Variants in KIF20B observed in about 807,000 individuals in gnomAD.
KIF20B encodes kinesin-like protein KIF20B.
A neutral mutation model predicts 232.5 loss-of-function variants in KIF20B; 188 were observed. That is an observed-to-expected ratio of 0.81 (90% confidence interval 0.72 to 0.91). The LOEUF (loss-of-function observed/expected upper bound fraction) is 0.91, where lower values mean the gene tolerates loss of function less well. Ranked by LOEUF, KIF20B falls within the 40% of genes least tolerant of loss-of-function variation. The probability of loss-of-function intolerance (pLI) is 0.00; values close to 1 mark genes in which losing one functional copy is unlikely to be tolerated. For synonymous variants in KIF20B, 712 were observed against 683.0 expected, an observed-to-expected ratio of 1.04 and a Z score of -0.66; for missense variants, 2,154 against 2,055.9, an observed-to-expected ratio of 1.05 and a Z score of -0.92.
At position 89,716,542 on chromosome 10, in the gene KIF20B, T is replaced by A; in HGVS notation, c.1047T>A (p.Ser349Arg). Residue 349 changes from serine (S) to arginine (R), a missense_variant, in exon 9 of 33, where the codon AGT becomes AGA. Physicochemically the swap from Ser to Arg is moderately radical, Grantham distance 110. Transcript: ENST00000371728. Reference sequence around the variant, plus strand: ...TCACAAAATTGAATAATGCTTCCAGTAGAAGGTAAAGAATAAACTCTGTAA... The same window carrying A: ...TCACAAAATTGAATAATGCTTCCAGAAGAAGGTAAAGAATAAACTCTGTAA... ...VAFTKLNNAS[S>R]RSHSIFTVKI... is the part of the protein sequence containing the mutation. 6.8e-7 allele frequency: 1 copy of A among 1,466,130 alleles called. No homozygotes were observed. The highest frequency in any genetic ancestry group is 9.5e-7 in the Non-Finnish European group (1 of 1,056,970). The allele number at this position is 1,466,130 out of a possible 1,614,324, so 90.8% of individuals were successfully genotyped here. A position where few individuals can be genotyped will look rare whatever the true frequency, so the allele number is the denominator to read the frequency against.
At position 89,717,712 on chromosome 10, in the gene KIF20B, G is replaced by T; in HGVS notation, c.1261G>T (p.Glu421Ter). The change falls in exon 11 of 33, where the codon GAA (glutamate) becomes TAA (stop). Residue 421 changes from glutamate (E) to a stop codon, truncating the protein, a stop_gained. Transcript: ENST00000371728. LOFTEE classifies it high-confidence loss of function. ...GTGTATTAACGTCTTGAAGAATAGT[G>T]AAAAGTCAAAGTAAGTGTTTCTGAA... ...GKCINVLKNSEKSKFQQHVPF... is the reference protein window; with the variant it reads ...GKCINVLKNS 1 of 1,591,880 alleles carries T rather than the reference G, an allele frequency of 6.3e-7. No homozygotes were observed. Among genetic ancestry groups the T allele is most frequent in the South Asian group, 1.2e-5 (1 of 85,918 alleles).
chr10:89,727,160 T>A (rs2133110686), intron 16 of KIF20B, among the ~76,000 whole-genome samples: 1 of 152,288 alleles, frequency 6.6e-6, no homozygotes, highest in East Asian at 1.9e-4. Flanking sequence ...AGATTCACTG[T>A]TGGGATAGAG....
At chr10:89,744,117 CTCTT>C (rs1286447244) in intron 22 of KIF20B, among the ~76,000 whole-genome samples, 190 bp downstream of exon 22, 1 of 151,718 alleles carries the variant, frequency 6.6e-6, no homozygotes, top group Non-Finnish European at 1.5e-5. Flanking sequence ...AGTAGTGACT[CTCTT>C]CTAATGAATA....
chr10:89,725,361 C>A (rs1843160390), intron 15 of KIF20B, among the ~76,000 whole-genome samples: 1 of 143,238 alleles, frequency 7.0e-6, no homozygotes, highest in Non-Finnish European at 1.6e-5. Flanking sequence ...AAAATTTATA[C>A]CTCTGTTATA....
At chr10:89,745,704 C>G (rs1330799012) in intron 22 of KIF20B, among the ~76,000 whole-genome samples, 195 bp from the exon 23 acceptor site, 4 of 151,656 alleles carry the variant, frequency 2.6e-5, no homozygotes, top group Non-Finnish European at 5.9e-5. Flanking sequence ...TCTACTTCTT[C>G]TTTCCCCTGC....
At chr10:89,763,453 T>C (rs1589883378) in intron 29 of KIF20B, among the ~76,000 whole-genome samples, 1 of 152,280 alleles carries the variant, frequency 6.6e-6, no homozygotes, top group East Asian at 1.9e-4. Flanking sequence ...TTTCCCTGTA[T>C]TGGAAGAGAA....
intron 26 of KIF20B, among the ~76,000 whole-genome samples, chr10:89,755,356 T>C (rs1479560152): frequency 6.6e-6 from 1 of 152,034 alleles, no homozygotes; most frequent in Non-Finnish European, 1.5e-5. Flanking sequence ...CTATAAAAAC[T>C]GAAAGATTTC....
At chr10:89,719,046 A>G (rs1330362317) in intron 12 of KIF20B, among the ~76,000 whole-genome samples, 174 bp downstream of exon 12, 1 of 152,234 alleles carries the variant, frequency 6.6e-6, no homozygotes, top group African/African-American at 2.4e-5. Flanking sequence ...TGCTAGGATT[A>G]AAATGACCTT....
chr10:89,709,927 G>A lies in KIF20B; in HGVS notation c.352G>A (p.Val118Ile). The A allele has an allele frequency of 6.4e-7, 1 of 1,569,200 alleles. No homozygotes were observed. Among genetic ancestry groups the A allele is most frequent in the South Asian group, 1.2e-5 (1 of 83,016 alleles). ...GAGTTTTTAAAAAATGTTTGCTTAG[G>A]TTTTTGGCCCAGCAACTACACAGAA... ...QMAQKFSFSK[V>I]FGPATTQKEF... Residue 118 changes from valine to isoleucine, a missense_variant and splice_region_variant, in exon 5 of 33, where the codon GTT becomes ATT. Coordinates refer to ENST00000371728, the MANE Select transcript of KIF20B (RefSeq NM_001284259.2).
chr10:89,732,102 T>G (rs919122134), intron 18 of KIF20B, among the ~76,000 whole-genome samples: 2 of 149,934 alleles, frequency 1.3e-5, no homozygotes, highest in Non-Finnish European at 2.9e-5. Flanking sequence ...TTTTTGGAAG[T>G]TCCCCCCCTC....
At chr10:89,709,079 A>G (rs1393593970) in intron 2 of KIF20B, 88 bp from the exon 3 acceptor site, 5 of 824,774 alleles carry the variant, frequency 6.1e-6, no homozygotes, top group Non-Finnish European at 1.0e-5. Flanking sequence ...TCAGATTATT[A>G]TGTAAAAAGT....
chr10:89,753,181 A>G (rs139872259), intron 25 of KIF20B, among the ~76,000 whole-genome samples: 3 of 152,284 alleles, frequency 2.0e-5, no homozygotes, highest in Non-Finnish European at 4.4e-5. Flanking sequence ...CAGCTTTAAC[A>G]TACAACATAT....
At position 89,717,451 on chromosome 10, in the gene KIF20B, A is replaced by G. The variant is rs761438044; in HGVS notation, c.1080A>G (p.Leu360=). ...ACAGCATATTCACTGTTAAAATATT[A>G]CAGATTGAAGATTCTGAAATGTCTC... ...RSHSIFTVKI[L]QIEDSEMSRV... The change falls in exon 10 of 33, where the codon TTA becomes TTG. Residue 360 remains leucine (L), a synonymous_variant. Transcript: ENST00000371728. 7 of 1,593,082 alleles carry G rather than the reference A, an allele frequency of 4.4e-6. No individual in the cohort carries two copies. The Admixed American group carries it at 6.7e-5, about 15-fold the overall frequency.
chr10:89,728,321 T>G (rs1843233876), intron 17 of KIF20B, among the ~76,000 whole-genome samples: 2 of 152,168 alleles, frequency 1.3e-5, no homozygotes, highest in African/African-American at 4.8e-5. Context: ...TTTCCCATAA[T>G]GTTCTTCCTA....
intron 27 of KIF20B, among the ~76,000 whole-genome samples, chr10:89,759,865 C>T (rs1218500108): frequency 6.6e-6 from 1 of 152,020 alleles, no homozygotes; most frequent in East Asian, 1.9e-4. Context: ...GTTTACTTGA[C>T]TTTTGATTTT....
intron 2 of KIF20B, among the ~76,000 whole-genome samples, chr10:89,708,575 T>G (rs946213879): frequency 2.4e-4 from 37 of 152,326 alleles, no homozygotes; most frequent in Admixed American, 1.0e-3. Context: ...ATTTTTTTTT[T>G]TGTGGCATTA....
At chr10:89,729,905 G>T (rs1379535031) in intron 18 of KIF20B, among the ~76,000 whole-genome samples, 2 of 152,208 alleles carry the variant, frequency 1.3e-5, no homozygotes, top group East Asian at 3.9e-4. Context: ...AAAATATATG[G>T]TAATAATGTA....
At chr10:89,748,618 T>A (rs1841964986) in intron 23 of KIF20B, among the ~76,000 whole-genome samples, 1 of 152,218 alleles carries the variant, frequency 6.6e-6, no homozygotes, top group South Asian at 2.1e-4. Flanking sequence ...TTCTTCTGCC[T>A]TTCTTAGGCC....
At position 89,772,933 on chromosome 10, in the gene KIF20B, T is replaced by C. The variant is rs753065370; in HGVS notation, c.5385+102T>C. 27 of 1,004,442 alleles carry C rather than the reference T, an allele frequency of 2.7e-5. 1 individual carries two copies. Among genetic ancestry groups the C allele is most frequent in the South Asian group, 4.1e-5 (2 of 49,312 alleles). 62.2% of individuals were successfully genotyped at this position (1,004,442 alleles called of 1,614,324 possible). ...AATTCTTTAGATCTCTGAAAACACA[T>C]GCTATAAAGGTCATGCTTTTAGTCT... On this transcript the variant is annotated intron_variant, in intron 32 of 32. Transcript: ENST00000371728.
Sources: gnomAD v4.1 joint callset for allele counts (sites outside exome capture counted in the v4.1 genomes callset) on GRCh38, gnomAD v4.1.1 for gene constraint, MANE v1.5 for transcripts, NCBI Gene and HGNC (gene_info 2026-07-23, HGNC 2026-07-21) for gene names.